Variants in ADAMTSL3 observed in about 807,000 individuals in gnomAD.
ADAMTSL3 encodes the protein ADAMTS like 3, also known as ADAMTS-like protein 3.
In ADAMTSL3, 128 loss-of-function variants were observed where a neutral mutation model predicts 201.7. That is an observed-to-expected ratio of 0.63 (90% confidence interval 0.55 to 0.73). The LOEUF is 0.73. Among genes scored for constraint, ADAMTSL3 ranks in the 30% least tolerant of loss-of-function variants. The pLI is 0.00. For synonymous variants in ADAMTSL3, 738 were observed against 748.4 expected (o/e 0.99, Z 0.23); for missense variants, 1,990 against 2,119.6 (o/e 0.94, Z 1.20).
chr15:83,906,660 A>G (rs2065842091), intron 15 of ADAMTSL3, among the ~76,000 whole-genome samples: 1 of 132,866 alleles, frequency 7.5e-6, no homozygotes, highest in South Asian at 2.3e-4. Flanking sequence ...ACACACACAC[A>G]CACACACACA....
chr15:83,827,294 T>C (rs1171341517), intron 6 of ADAMTSL3, among the ~76,000 whole-genome samples: 2 of 152,244 alleles, frequency 1.3e-5, no homozygotes, highest in African/African-American at 4.8e-5. Flanking sequence ...GTCTGTTGGC[T>C]GTATAAATGT....
intron 6 of ADAMTSL3, among the ~76,000 whole-genome samples, chr15:83,828,632 T>C (rs902494821): frequency 2.6e-5 from 4 of 152,220 alleles, no homozygotes; most frequent in African/African-American, 4.8e-5. Context: ...CTTCCAGTTT[T>C]TGCCCATTCA....
rs745765191 is a variant in ADAMTSL3, at chr15:83,677,627, C to T, written c.69+21797C>T. On this transcript the variant is annotated intron_variant, in intron 2 of 29. Coordinates refer to ENST00000286744, the MANE Select transcript of ADAMTSL3 (RefSeq NM_207517.3). Reference sequence around the variant, plus strand: ...ATTAGCATAGTATATGTGTTTTCATCGTTTACTTTGAACCTGCCTACATTA... The same window carrying T: ...ATTAGCATAGTATATGTGTTTTCATTGTTTACTTTGAACCTGCCTACATTA... 2.5e-4 allele frequency among the ~76,000 whole-genome samples: 38 copies of T among 151,816 alleles called. No homozygotes were observed. The Middle Eastern group carries it at 0.014, about 54-fold the overall frequency.
chr15:83,733,785 A>T (rs1298469955), intron 3 of ADAMTSL3, among the ~76,000 whole-genome samples: 4 of 152,306 alleles, frequency 2.6e-5, no homozygotes, highest in Admixed American at 2.6e-4. Flanking sequence ...AGGGGACATG[A>T]TCCTGAATTT....
At position 84,038,014 on chromosome 15, in the gene ADAMTSL3, T is replaced by A; in HGVS notation, c.*208T>A. ...ATTCCAATTTTTTAAAATGATGTAT[T>A]CAAGGATGAACAAAATACTATAGCA... On this transcript the variant is annotated 3_prime_UTR_variant, in exon 30 of 30. Transcript: ENST00000286744. 1 of 731,872 alleles carries A rather than the reference T, an allele frequency of 1.4e-6. No individual in the cohort carries two copies. The highest frequency in any genetic ancestry group is 2.1e-6 in the Non-Finnish European group (1 of 477,424). 45.3% of individuals were successfully genotyped at this position (731,872 alleles called of 1,614,324 possible). A position where few individuals can be genotyped will look rare whatever the true frequency, so the allele number is the denominator to read the frequency against.
At chr15:84,037,281 G>A (rs916734349) in intron 29 of ADAMTSL3, among the ~76,000 whole-genome samples, 4 of 152,156 alleles carry the variant, frequency 2.6e-5, no homozygotes, top group Non-Finnish European at 4.4e-5. Context: ...CTTCTGCCTG[G>A]TAGTCTTACG....
chr15:83,749,809 T>C lies in ADAMTSL3; in HGVS notation c.190-23714T>C, dbSNP rs1170385056. On this transcript the variant is annotated intron_variant, in intron 3 of 29. Transcript: ENST00000286744. ...GTGGGTCTCGAAAAGAGTCCTGGGT[T>C]GCAAGGTGAAATAACTGAGTTCTCA... Among the ~76,000 whole-genome samples the C allele has an allele frequency of 2.0e-5, 3 of 152,198 alleles. No homozygotes were observed. In the East Asian group the frequency reaches 5.8e-4, roughly 29 times the overall value.
chr15:83,827,412 C>G (rs1193174647), intron 6 of ADAMTSL3, among the ~76,000 whole-genome samples: 1 of 151,980 alleles, frequency 6.6e-6, no homozygotes, highest in Non-Finnish European at 1.5e-5. Context: ...TGGATATTAG[C>G]CCTTTGTCAG....
At chr15:83,742,840 T>A (rs1408867924) in intron 3 of ADAMTSL3, among the ~76,000 whole-genome samples, 1 of 152,156 alleles carries the variant, frequency 6.6e-6, no homozygotes, top group Admixed American at 6.5e-5. Context: ...AGATCTGACT[T>A]CAGCTTGGAA....
intron 3 of ADAMTSL3, among the ~76,000 whole-genome samples, chr15:83,725,976 C>T (rs1287315210): frequency 1.3e-5 from 2 of 152,072 alleles, no homozygotes; most frequent in Non-Finnish European, 2.9e-5. Flanking sequence ...CTGTAGATGA[C>T]TTTTGGTATT....
chr15:83,778,411 A>G (rs1299496424), intron 4 of ADAMTSL3, among the ~76,000 whole-genome samples: 1 of 152,256 alleles, frequency 6.6e-6, no homozygotes, highest in Non-Finnish European at 1.5e-5. Flanking sequence ...CCATTGACTA[A>G]CAGCAGACTT....
rs150578385 is a variant in ADAMTSL3, at chr15:83,925,084, A to G, written c.2117+1051A>G. ...ACCCTTCTGATTTTAATTCCATGCA[A>G]TCTGTTGGCTATGATGTTTCTCCTG... is the stretch of plus-strand genomic sequence containing the variant. On this transcript the variant is annotated intron_variant, in intron 17 of 29. Coordinates refer to ENST00000286744, the MANE Select transcript of ADAMTSL3 (RefSeq NM_207517.3). 8.7e-4 allele frequency among the ~76,000 whole-genome samples: 133 copies of G among 152,194 alleles called. 1 individual carries two copies. The East Asian group carries it at 0.013, about 14-fold the overall frequency.
At chr15:83,982,154 A>G in intron 20 of ADAMTSL3, 119 bp from the exon 21 acceptor site, 1 of 779,920 alleles carries the variant, frequency 1.3e-6, no homozygotes, top group Non-Finnish European at 2.0e-6. Context: ...AATGTTTTAA[A>G]ATAGTAAAAA....
At chr15:83,695,232 G>A in intron 2 of ADAMTSL3, among the ~76,000 whole-genome samples, 1 of 143,958 alleles carries the variant, frequency 6.9e-6, no homozygotes, top group Non-Finnish European at 1.5e-5. Flanking sequence ...TGTGTAATGT[G>A]TGTGTGTGTG....
chr15:83,689,799 CT>C (rs1169717467), intron 2 of ADAMTSL3, among the ~76,000 whole-genome samples: 1 of 151,876 alleles, frequency 6.6e-6, no homozygotes, highest in African/African-American at 2.4e-5. Flanking sequence ...GTGTTCCTTT[CT>C]TTTACTATTC....
chr15:83,888,066 C>G (rs1865402552), intron 10 of ADAMTSL3, among the ~76,000 whole-genome samples: 1 of 152,202 alleles, frequency 6.6e-6, no homozygotes, highest in South Asian at 2.1e-4. Context: ...ATAGGTGTTT[C>G]TCCTACTTGG....
intron 5 of ADAMTSL3, among the ~76,000 whole-genome samples, chr15:83,808,522 A>G (rs538152858): frequency 2.6e-5 from 4 of 152,334 alleles, no homozygotes; most frequent in South Asian, 2.1e-4. Context: ...CCTTATTGCT[A>G]TTAGTGGGAA....
chr15:83,829,492 G>C (rs894005211), intron 6 of ADAMTSL3, among the ~76,000 whole-genome samples: 2 of 152,032 alleles, frequency 1.3e-5, no homozygotes, highest in African/African-American at 4.8e-5. Flanking sequence ...TGGATTCTTT[G>C]ATTTTTTGAA....
At chr15:83,926,568 GC>G (rs201516499) in intron 17 of ADAMTSL3, among the ~76,000 whole-genome samples, 1,749 of 151,852 alleles carry the variant, frequency 0.012, 34 homozygotes, top group African/African-American at 0.04. Flanking sequence ...ATGTGAATCT[GC>G]AAATATCATC....
Sources: allele counts gnomAD v4.1 joint callset (sites outside exome capture counted in the v4.1 genomes callset), GRCh38; gene constraint gnomAD v4.1.1; transcripts MANE v1.5; gene names NCBI Gene and HGNC (gene_info 2026-07-23, HGNC 2026-07-21).